The following TESK2 variants were observed in gnomAD, a reference collection of about 807,000 sequenced individuals.
TESK2 encodes dual specificity testis-specific protein kinase 2.
A neutral mutation model predicts 57.1 loss-of-function variants in TESK2; 39 were observed. The ratio of observed to expected loss-of-function variants is 0.68; its 90% CI spans 0.53 to 0.89. The LOEUF (loss-of-function observed/expected upper bound fraction) is 0.89, where lower values mean the gene tolerates loss of function less well. Ranked by LOEUF, TESK2 falls within the 40% of genes least tolerant of loss-of-function variation. TESK2 has a pLI of 0.00. For synonymous variants in TESK2, 249 were observed against 267.9 expected, an observed-to-expected ratio of 0.93 and a Z score of 0.69; for missense variants, 646 against 732.1, an observed-to-expected ratio of 0.88 and a Z score of 1.36.
rs903971946 is a variant in TESK2 at position 45,347,007 on chromosome 1, G to A, written c.764C>T (p.Ala255Val). Reference protein sequence around the residue: ...ILCEIIARIQADPDYLPRTEN... With the variant: ...ILCEIIARIQVDPDYLPRTEN... ...TGTGCGGGGAAGATAGTCCGGATCG[G>A]CCTGGATGCGGGCGATGATCTCGCA... The change falls in exon 8 of 11, where the codon GCC becomes GTC. Residue 255 changes from alanine (A) to valine (V), a missense_variant. Physicochemically the swap from Ala to Val is moderately conservative, Grantham distance 64. Transcript: ENST00000372086. 5 of 1,614,204 alleles carry A rather than the reference G, an allele frequency of 3.1e-6. No individual in the cohort carries two copies. Among genetic ancestry groups the A allele is most frequent in the Non-Finnish European group, 4.2e-6 (5 of 1,180,038 alleles).
intron 3 of TESK2, among the ~76,000 whole-genome samples, chr1:45,416,160 A>G (rs1367134198): frequency 7.6e-6 from 1 of 131,298 alleles, no homozygotes; most frequent in African/African-American, 2.9e-5. Context: ...TCAGCTCACT[A>G]CAAGTTCTGC....
At chr1:45,350,072 G>A (rs11806356) in intron 5 of TESK2, among the ~76,000 whole-genome samples, 52 of 152,290 alleles carry the variant, frequency 3.4e-4, no homozygotes, top group African/African-American at 1.1e-3. Flanking sequence ...AATCCGGGAG[G>A]CAGAGGTTGC....
chr1:45,367,140 T>TA (rs879600951), intron 4 of TESK2, among the ~76,000 whole-genome samples: 1 of 151,556 alleles, frequency 6.6e-6, no homozygotes, highest in African/African-American at 2.4e-5. Context: ...TCTCAAAAAA[T>TA]AAATAAAATA....
intron 3 of TESK2, among the ~76,000 whole-genome samples, chr1:45,399,140 A>ATTTTTT (rs753087306): frequency 1.1e-4 from 11 of 99,720 alleles, no homozygotes; most frequent in Admixed American, 1.1e-4. Flanking sequence ...AAAAGTTGAA[A>ATTTTTT]TTTTTTTTTT....
rs1570700600 is a variant in TESK2, at chr1:45,410,039, C to G, written c.344+11686G>C. 3.9e-5 allele frequency among the ~76,000 whole-genome samples: 6 copies of G among 152,006 alleles called. No individual in the cohort carries two copies. The South Asian group carries it at 1.2e-3, about 32-fold the overall frequency. On this transcript the variant is annotated intron_variant, in intron 3 of 10. Coordinates refer to ENST00000372086, the MANE Select transcript of TESK2 (RefSeq NM_007170.3). Reference sequence around the variant, plus strand: ...AATTAGCTGGGTGTGGTGACACATGCCTGTAATCCCAGCTACTCGGGAGGC... The same window carrying G: ...AATTAGCTGGGTGTGGTGACACATGGCTGTAATCCCAGCTACTCGGGAGGC...
At chr1:45,407,775 C>A (rs1477663392) in intron 3 of TESK2, among the ~76,000 whole-genome samples, 1 of 152,174 alleles carries the variant, frequency 6.6e-6, no homozygotes, top group Non-Finnish European at 1.5e-5. Flanking sequence ...GTCCATTAAA[C>A]CTCTTTCCTT....
At chr1:45,420,805 G>C (rs911004552) in intron 3 of TESK2, among the ~76,000 whole-genome samples, 3 of 151,644 alleles carry the variant, frequency 2.0e-5, no homozygotes, top group Non-Finnish European at 4.4e-5. Flanking sequence ...AGCCAGGATG[G>C]TCTCAATCTC....
intron 1 of TESK2, among the ~76,000 whole-genome samples, chr1:45,470,142 C>T (rs775550259): frequency 1.3e-5 from 2 of 152,218 alleles, no homozygotes; most frequent in Non-Finnish European, 2.9e-5. Context: ...ATCCTCATCA[C>T]ATTGTTTTCT....
At chr1:45,392,909 C>T (rs1215722102) in intron 3 of TESK2, among the ~76,000 whole-genome samples, 1 of 152,042 alleles carries the variant, frequency 6.6e-6, no homozygotes, top group Non-Finnish European at 1.5e-5. Flanking sequence ...CAAAATGTTT[C>T]GTACACAAGT....
intron 4 of TESK2, among the ~76,000 whole-genome samples, chr1:45,380,890 T>C (rs1376757308): frequency 6.6e-6 from 1 of 152,188 alleles, no homozygotes. Context: ...ATTCTACAAA[T>C]ACTATGCATG....
At chr1:45,355,532 GAAGA>G in intron 4 of TESK2, 83 bp from the exon 5 acceptor site, 2 of 1,479,434 alleles carry the variant, frequency 1.4e-6, no homozygotes, top group Non-Finnish European at 1.8e-6. Context: ...TAAACACCTG[GAAGA>G]GAGAGACTGT....
intron 1 of TESK2, among the ~76,000 whole-genome samples, chr1:45,461,585 A>G (rs886337238): frequency 1.3e-5 from 2 of 152,242 alleles, no homozygotes; most frequent in African/African-American, 4.8e-5. Context: ...TTAAGTGCAG[A>G]GGAAGGCTAG....
At chr1:45,467,175 A>G (rs996658112) in intron 1 of TESK2, among the ~76,000 whole-genome samples, 6 of 152,132 alleles carry the variant, frequency 3.9e-5, no homozygotes, top group African/African-American at 1.2e-4. Flanking sequence ...TGCCAATAAT[A>G]TTTTTGTTTC....
intron 2 of TESK2, among the ~76,000 whole-genome samples, chr1:45,427,153 G>C (rs1165808543): frequency 1.4e-5 from 2 of 147,312 alleles, no homozygotes; most frequent in Non-Finnish European, 3.0e-5. Flanking sequence ...TGAGGCATGA[G>C]AATCACTTGA....
chr1:45,411,561 G>C (rs780585618), intron 3 of TESK2, among the ~76,000 whole-genome samples: 158 of 152,214 alleles, frequency 1.0e-3, no homozygotes, highest in Non-Finnish European at 1.8e-3. Flanking sequence ...GTTCCTAACA[G>C]GCCACAGGCT....
chr1:45,458,249 G>T (rs1264466224), intron 1 of TESK2, among the ~76,000 whole-genome samples: 1 of 152,162 alleles, frequency 6.6e-6, no homozygotes, highest in Non-Finnish European at 1.5e-5. Context: ...GAGAGATCAA[G>T]AAATCAGTCA....
At chr1:45,391,972 T>G (rs1649161619) in intron 3 of TESK2, among the ~76,000 whole-genome samples, 1 of 152,222 alleles carries the variant, frequency 6.6e-6, no homozygotes, top group South Asian at 2.1e-4. Context: ...ATTGTGAAGA[T>G]GAAATAAGAT....
chr1:45,360,548 G>C (rs538073486), intron 4 of TESK2, among the ~76,000 whole-genome samples: 1 of 152,300 alleles, frequency 6.6e-6, no homozygotes, highest in Admixed American at 6.5e-5. Flanking sequence ...AAAGCCAGAG[G>C]GTGGAGAGCA....
intron 3 of TESK2, among the ~76,000 whole-genome samples, chr1:45,388,717 C>CCTT (rs746830629): frequency 9.7e-6 from 1 of 102,746 alleles, no homozygotes; most frequent in African/African-American, 3.6e-5. Context: ...AGAGGTACGG[C>CCTT]TTTTTTTTTT....
Sources: gnomAD v4.1 joint callset for allele counts (sites outside exome capture counted in the v4.1 genomes callset) on GRCh38, gnomAD v4.1.1 for gene constraint, MANE v1.5 for transcripts, NCBI Gene and HGNC (gene_info 2026-07-23, HGNC 2026-07-21) for gene names.